The following AFF3 variants were observed in gnomAD, a reference collection of about 807,000 sequenced individuals.
AFF3 encodes ALF transcription elongation factor 3, also known as AF4/FMR2 family member 3.
A neutral mutation model predicts 129.7 loss-of-function variants in AFF3; 32 were observed. The observed-to-expected ratio is 0.25, with a 90% CI of 0.19 to 0.33. AFF3 has a LOEUF of 0.33. Among genes scored for constraint, AFF3 ranks in the 10% least tolerant of loss-of-function variants. The pLI, the probability that AFF3 is intolerant of heterozygous loss-of-function variation, is 1.00. For synonymous variants in AFF3, 644 were observed against 635.4 expected, an observed-to-expected ratio of 1.01 and a Z score of -0.20; for missense variants, 1,373 against 1,592.0, an observed-to-expected ratio of 0.86 and a Z score of 2.34.
At chr2:100,014,620 T>G (rs1682829848) in intron 4 of AFF3, among the ~76,000 whole-genome samples, 2 of 152,202 alleles carry the variant, frequency 1.3e-5, no homozygotes, top group Admixed American at 1.3e-4. Context: ...CATTGTTTCC[T>G]GCAGGAGACC....
intron 13 of AFF3, among the ~76,000 whole-genome samples, chr2:99,612,152 A>C (rs1179991017): frequency 2.6e-5 from 4 of 152,198 alleles, no homozygotes; most frequent in Admixed American, 6.5e-5. Flanking sequence ...CATGGAGTTT[A>C]GCTGTACTTA....
intron 4 of AFF3, among the ~76,000 whole-genome samples, chr2:100,057,660 T>C (rs948128671): frequency 2.0e-5 from 3 of 152,134 alleles, no homozygotes; most frequent in Non-Finnish European, 4.4e-5. Flanking sequence ...TTCTCACCAA[T>C]CTCTTGCTAC....
rs767795715 is a variant in AFF3, at chr2:100,057,820, T to C, written c.53+46582A>G. ...ACCAGCATTTATAACAAACATAATTTGTGAGCTGCTCTGGAAAGAAATGCA... is the reference window on the plus strand; with the variant it reads ...ACCAGCATTTATAACAAACATAATTCGTGAGCTGCTCTGGAAAGAAATGCA... On this transcript the variant is annotated intron_variant, in intron 4 of 24. Coordinates refer to ENST00000672756, the MANE Select transcript of AFF3 (RefSeq NM_001386135.1). Among the ~76,000 whole-genome samples the C allele has an allele frequency of 9.8e-5, 15 of 152,336 alleles. No individual in the cohort carries two copies. The East Asian group carries it at 2.1e-3, about 22-fold the overall frequency.
chr2:99,918,913 C>T (rs996669615), intron 7 of AFF3, among the ~76,000 whole-genome samples: 4 of 152,110 alleles, frequency 2.6e-5, no homozygotes, highest in African/African-American at 9.7e-5. Flanking sequence ...CATTTTTGCA[C>T]AAAACCACTA....
chr2:99,932,256 G>A (rs1008743267), intron 7 of AFF3, among the ~76,000 whole-genome samples: 1 of 151,998 alleles, frequency 6.6e-6, no homozygotes, highest in African/African-American at 2.4e-5. Context: ...TTTATTTTAT[G>A]TGTGGCCCAA....
At chr2:100,079,047 C>T (rs1021343390) in intron 4 of AFF3, among the ~76,000 whole-genome samples, 3 of 151,040 alleles carry the variant, frequency 2.0e-5, no homozygotes, top group African/African-American at 4.9e-5. Flanking sequence ...CCCAGGTTCA[C>T]GCCATTCTCC....
At chr2:100,009,732 A>T (rs1682338761) in intron 4 of AFF3, among the ~76,000 whole-genome samples, 1 of 152,228 alleles carries the variant, frequency 6.6e-6, no homozygotes, top group East Asian at 1.9e-4. Context: ...CCCCCTAATA[A>T]GGAGAAAACA....
intron 11 of AFF3, among the ~76,000 whole-genome samples, chr2:99,725,117 C>T (rs1269841444): frequency 5.3e-5 from 8 of 151,956 alleles, no homozygotes; most frequent in Non-Finnish European, 8.8e-5. Flanking sequence ...ATTACAGGCA[C>T]GCGCCACCAT....
chr2:100,026,712 TATAA>T (rs1260264224), intron 4 of AFF3, among the ~76,000 whole-genome samples: 2 of 124,040 alleles, frequency 1.6e-5, no homozygotes, highest in Non-Finnish European at 3.4e-5. Flanking sequence ...TAAATATATA[TATAA>T]ATATATATAT....
At chr2:99,970,462 T>C (rs1678248070) in intron 7 of AFF3, among the ~76,000 whole-genome samples, 2 of 152,196 alleles carry the variant, frequency 1.3e-5, no homozygotes, top group Non-Finnish European at 2.9e-5. Context: ...ATATCTCTAT[T>C]TCATCATCAC....
intron 18 of AFF3, among the ~76,000 whole-genome samples, chr2:99,574,842 C>T (rs1048194544): frequency 5.3e-5 from 8 of 152,124 alleles, no homozygotes; most frequent in Non-Finnish European, 1.0e-4. Context: ...CCACTGGTGG[C>T]CTCTCTTTGG....
chr2:100,128,194 G>T (rs1388489785), intron 2 of AFF3, among the ~76,000 whole-genome samples: 1 of 152,180 alleles, frequency 6.6e-6, no homozygotes, highest in Non-Finnish European at 1.5e-5. Flanking sequence ...AGCCCTCGGG[G>T]CTGCTCTGTC....
intron 13 of AFF3, among the ~76,000 whole-genome samples, chr2:99,647,355 A>C (rs1032481112): frequency 6.6e-6 from 1 of 152,242 alleles, no homozygotes; most frequent in South Asian, 2.1e-4. Context: ...TTGCAGAGAC[A>C]TGGATGGAGC....
intron 8 of AFF3, among the ~76,000 whole-genome samples, chr2:99,767,888 T>C (rs1362033538): frequency 2.0e-5 from 3 of 152,164 alleles, no homozygotes; most frequent in African/African-American, 7.2e-5. Flanking sequence ...GAGCTTGCAG[T>C]GAGCTGAGAT....
intron 15 of AFF3, among the ~76,000 whole-genome samples, chr2:99,590,768 G>T (rs992150687): frequency 6.6e-6 from 1 of 152,048 alleles, no homozygotes; most frequent in African/African-American, 2.4e-5. Context: ...CGAGGCAGGC[G>T]GATCACCTGA....
intron 7 of AFF3, among the ~76,000 whole-genome samples, chr2:99,934,867 G>A (rs1674381842): frequency 3.9e-5 from 6 of 152,212 alleles, no homozygotes; most frequent in Admixed American, 3.9e-4. Context: ...AACTTAGCTA[G>A]CAGGGTCTGC....
intron 4 of AFF3, among the ~76,000 whole-genome samples, chr2:100,023,911 T>G (rs1683806103): frequency 6.6e-6 from 1 of 152,178 alleles, no homozygotes; most frequent in Non-Finnish European, 1.5e-5. Context: ...CAATAGCATA[T>G]TTAGGAATAT....
intron 2 of AFF3, among the ~76,000 whole-genome samples, chr2:100,119,396 A>G (rs890241599): frequency 7.2e-5 from 11 of 152,182 alleles, no homozygotes; most frequent in African/African-American, 2.7e-4. Context: ...TGGGCATTTG[A>G]AAGCATGCTC....
chr2:100,100,843 G>C (rs1346368609), intron 4 of AFF3, among the ~76,000 whole-genome samples: 1 of 152,228 alleles, frequency 6.6e-6, no homozygotes, highest in Admixed American at 6.5e-5. Flanking sequence ...ATCAAAAGCT[G>C]GTGGACCACA....
Sources: gnomAD v4.1 joint callset for allele counts (sites outside exome capture counted in the v4.1 genomes callset) on GRCh38, gnomAD v4.1.1 for gene constraint, MANE v1.5 for transcripts, NCBI Gene and HGNC (gene_info 2026-07-23, HGNC 2026-07-21) for gene names.